SLC35F3: variants seen among roughly 807,000 people sequenced by gnomAD.
The protein encoded by SLC35F3 is putative thiamine transporter SLC35F3.
A neutral mutation model predicts 49.9 loss-of-function variants in SLC35F3; 25 were observed. The observed-to-expected ratio is 0.50, with a 90% CI of 0.37 to 0.70. The LOEUF is 0.70. SLC35F3 is among the 30% of genes least tolerant of loss of function. SLC35F3 has a pLI of 0.00. For missense variants in SLC35F3, 525 were observed against 639.8 expected, an observed-to-expected ratio of 0.82 and a Z score of 1.94; for synonymous variants, 275 against 265.4, an observed-to-expected ratio of 1.04 and a Z score of -0.35.
intron 3 of SLC35F3, among the ~76,000 whole-genome samples, chr1:234,291,337 C>A (rs12047575): frequency 0.33 from 50,230 of 152,128 alleles, 8,771 homozygotes; most frequent in Admixed American, 0.42. Flanking sequence ...AGTTCCCAGG[C>A]AGAGCTGATG....
intron 3 of SLC35F3, among the ~76,000 whole-genome samples, chr1:234,247,814 C>CGGTTGGCTGGTGCATTGTTTG (rs1667662166): frequency 3.9e-5 from 5 of 129,054 alleles, no homozygotes; most frequent in Admixed American, 7.6e-5. Context: ...TCCATTGTTT[C>CGGTTGGCTGGTGCATTGTTTG]ATGGGTCAGT....
At position 234,214,619 on chromosome 1, in the gene SLC35F3, G is replaced by A. The variant is rs1259909609; in HGVS notation, c.284-16798G>A. Reference sequence around the variant, plus strand: ...CCCCGGGGGTCCCTGCACCCTAGCCGGGGAATGCTGCCACCCTGAGGGGGG... The same window carrying A: ...CCCCGGGGGTCCCTGCACCCTAGCCAGGGAATGCTGCCACCCTGAGGGGGG... On this transcript the variant is annotated intron_variant, in intron 2 of 7. Coordinates refer to ENST00000366618, the MANE Select transcript of SLC35F3 (RefSeq NM_173508.4). This position sits in a 1 kb window ranked among gnomAD's most constrained non-coding sequence, Gnocchi z 8.0. The A allele has an allele frequency of 1.3e-6, 2 of 1,506,902 alleles. No individual in the cohort carries two copies. The highest frequency in any genetic ancestry group is 2.9e-5 in the African/African-American group (2 of 69,316). 93.3% of individuals were successfully genotyped at this position (1,506,902 alleles called of 1,614,324 possible). A position where few individuals can be genotyped will look rare whatever the true frequency, so the allele number is the denominator to read the frequency against.
intron 2 of SLC35F3, among the ~76,000 whole-genome samples, chr1:233,988,952 C>G (rs1269011669): frequency 6.6e-6 from 1 of 152,158 alleles, no homozygotes; most frequent in Non-Finnish European, 1.5e-5. Flanking sequence ...CAAGAATGGA[C>G]AGATGATCCA....
chr1:234,047,157 A>G (rs569537237), intron 2 of SLC35F3, among the ~76,000 whole-genome samples: 1 of 152,340 alleles, frequency 6.6e-6, no homozygotes, highest in South Asian at 2.1e-4. Context: ...ATGTATCATA[A>G]TGAGTTCTCT....
intron 2 of SLC35F3, among the ~76,000 whole-genome samples, chr1:234,164,645 C>T (rs527757719): frequency 1.3e-4 from 20 of 152,206 alleles, no homozygotes; most frequent in African/African-American, 4.3e-4. Context: ...TGCAGGGTCA[C>T]CTACCTCCTG....
At chr1:234,268,417 T>C (rs547052118) in intron 3 of SLC35F3, among the ~76,000 whole-genome samples, 57 of 151,916 alleles carry the variant, frequency 3.8e-4, no homozygotes, top group Non-Finnish European at 7.1e-4. Flanking sequence ...CGTCCAGCTT[T>C]GGCTCGGCAT....
Position 234,053,442 on chromosome 1 carries a change from A to G in SLC35F3, c.283+147684A>G, listed in dbSNP as rs541314499. Among the ~76,000 whole-genome samples, 4 of 152,248 alleles carry G rather than the reference A, an allele frequency of 2.6e-5. No homozygotes were observed. In the East Asian group the frequency reaches 7.7e-4, roughly 29 times the overall value. ...GTTGGTTTAAAGTCTGTTTTATCAG[A>G]GACTAGGATTGCAACCCCTGCTTTT... On this transcript the variant is annotated intron_variant, in intron 2 of 7. Coordinates refer to ENST00000366618, the MANE Select transcript of SLC35F3 (RefSeq NM_173508.4).
rs192558401 is a variant in SLC35F3, at chr1:234,109,972, G to C, written c.284-121445G>C. Reference sequence around the variant, plus strand: ...GTTTAGAGAACAGCAACTAGCTCTGGTTGGCAGGGCTATGGTATGACTAGG... The same window carrying C: ...GTTTAGAGAACAGCAACTAGCTCTGCTTGGCAGGGCTATGGTATGACTAGG... On this transcript the variant is annotated intron_variant, in intron 2 of 7. Coordinates refer to ENST00000366618, the MANE Select transcript of SLC35F3 (RefSeq NM_173508.4). Among the ~76,000 whole-genome samples the C allele has an allele frequency of 2.6e-5, 4 of 152,332 alleles. No individual in the cohort carries two copies. The East Asian group carries it at 7.7e-4, about 29-fold the overall frequency.
At chr1:233,948,007 A>G (rs1662540935) in intron 2 of SLC35F3, among the ~76,000 whole-genome samples, 1 of 151,512 alleles carries the variant, frequency 6.6e-6, no homozygotes, top group Non-Finnish European at 1.5e-5. Context: ...CAGTTAAACC[A>G]CAAGGCTAGA....
chr1:233,940,030 A>T lies in SLC35F3; in HGVS notation c.283+34272A>T, dbSNP rs1307311315. 3.3e-5 allele frequency among the ~76,000 whole-genome samples: 5 copies of T among 152,158 alleles called. No individual in the cohort carries two copies. In the East Asian group the frequency reaches 9.6e-4, roughly 29 times the overall value. On this transcript the variant is annotated intron_variant, in intron 2 of 7. Transcript: ENST00000366618. ...TTTCTAAAACCACTCCCTAGAGGTG[A>T]CCACTATTTATATATTGGGATGAGC...
intron 2 of SLC35F3, among the ~76,000 whole-genome samples, chr1:234,031,605 C>T (rs1167244085): frequency 2.6e-5 from 4 of 152,162 alleles, no homozygotes. Context: ...AGTGCAGTGG[C>T]GTGATCATAG....
intron 3 of SLC35F3, among the ~76,000 whole-genome samples, chr1:234,298,238 G>A (rs1016874880): frequency 1.3e-5 from 2 of 152,146 alleles, no homozygotes; most frequent in Admixed American, 1.3e-4. Flanking sequence ...GAAAGTGATT[G>A]AGGTAGTGTA....
chr1:233,977,896 A>G (rs914683037), intron 2 of SLC35F3, among the ~76,000 whole-genome samples: 2 of 152,308 alleles, frequency 1.3e-5, no homozygotes, highest in East Asian at 1.9e-4. Context: ...TTTGTTTGAC[A>G]TGGAAAATTA....
At chr1:234,118,938 G>C (rs1236329561) in intron 2 of SLC35F3, among the ~76,000 whole-genome samples, 1 of 149,648 alleles carries the variant, frequency 6.7e-6, no homozygotes, top group Non-Finnish European at 1.5e-5. Flanking sequence ...TTAGAGTAAG[G>C]TACTAAAAAT....
chr1:234,304,409 C>T (rs1019351464), intron 3 of SLC35F3, among the ~76,000 whole-genome samples: 4 of 151,770 alleles, frequency 2.6e-5, no homozygotes, highest in Admixed American at 6.6e-5. Flanking sequence ...GTGATCTGCC[C>T]GCCTTGGCAT....
At chr1:234,003,150 C>T (rs934320405) in intron 2 of SLC35F3, among the ~76,000 whole-genome samples, 6 of 147,552 alleles carry the variant, frequency 4.1e-5, no homozygotes, top group African/African-American at 1.5e-4. Flanking sequence ...TGTTGGAAAC[C>T]AAGATCTGTG....
At chr1:233,992,456 C>T (rs1036820188) in intron 2 of SLC35F3, among the ~76,000 whole-genome samples, 2 of 152,164 alleles carry the variant, frequency 1.3e-5, no homozygotes, top group African/African-American at 2.4e-5. Flanking sequence ...GGACACATGT[C>T]AAGGGTGGAA....
At chr1:233,983,560 A>T (rs1193070419) in intron 2 of SLC35F3, among the ~76,000 whole-genome samples, 1 of 152,254 alleles carries the variant, frequency 6.6e-6, no homozygotes, top group Non-Finnish European at 1.5e-5. Flanking sequence ...TACCTTTTAC[A>T]GATAGAATTA....
At chr1:234,131,456 C>T (rs1324431778) in intron 2 of SLC35F3, among the ~76,000 whole-genome samples, 15 of 152,184 alleles carry the variant, frequency 9.9e-5, no homozygotes, top group Non-Finnish European at 2.1e-4. Flanking sequence ...CCCTTCCCCC[C>T]ATCCCAGTCT....
Sources: gnomAD v4.1 joint callset for allele counts (sites outside exome capture counted in the v4.1 genomes callset) on GRCh38, gnomAD v4.1.1 for gene constraint, Gnocchi (gnomAD v3.1) non-coding constraint, MANE v1.5 for transcripts, NCBI Gene and HGNC (gene_info 2026-07-23, HGNC 2026-07-21) for gene names.